The following LRP1B variants were observed in gnomAD, a reference collection of about 807,000 sequenced individuals.
LRP1B encodes low-density lipoprotein receptor-related protein 1B.
A neutral mutation model predicts 556.6 loss-of-function variants in LRP1B; 217 were observed. The ratio of observed to expected loss-of-function variants is 0.39; its 90% CI spans 0.35 to 0.44. The LOEUF (loss-of-function observed/expected upper bound fraction) is 0.44, where lower values mean the gene tolerates loss of function less well. Among genes scored for constraint, LRP1B ranks in the 20% least tolerant of loss-of-function variants. LRP1B has a pLI of 1.00. For synonymous variants in LRP1B, 2,047 were observed against 1,865.8 expected (o/e 1.10, Z -2.50); for missense variants, 5,053 against 5,620.8 (o/e 0.90, Z 3.23).
chr2:141,094,050 G>T (rs933506572), intron 7 of LRP1B, among the ~76,000 whole-genome samples: 1 of 151,952 alleles, frequency 6.6e-6, no homozygotes, highest in Non-Finnish European at 1.5e-5. Context: ...GTTTCATTAC[G>T]ATATATTTCT....
At chr2:140,578,902 G>A (rs559150720) in intron 43 of LRP1B, among the ~76,000 whole-genome samples, 1 of 152,038 alleles carries the variant, frequency 6.6e-6, no homozygotes, top group South Asian at 2.1e-4. Context: ...AAGGATTTTT[G>A]TCATTTTGTT....
At chr2:140,616,121 T>C (rs929528573) in intron 41 of LRP1B, among the ~76,000 whole-genome samples, 25 of 151,962 alleles carry the variant, frequency 1.6e-4, no homozygotes, top group Non-Finnish European at 3.1e-4. Context: ...AAAAAAGTTA[T>C]TTAAAATGAT....
chr2:140,233,218 T>A lies in LRP1B; in HGVS notation c.13768A>T (p.Ile4590Leu), dbSNP rs1172052239. 6.2e-7 allele frequency: 1 copy of A among 1,603,764 alleles called. No individual in the cohort carries two copies. The highest frequency in any genetic ancestry group is 2.3e-5 in the East Asian group (1 of 44,404). The change falls in exon 91 of 91, where the codon ATA (isoleucine) becomes TTA (leucine). Residue 4590 changes from isoleucine (I) to leucine (L), a missense_variant. Physicochemically the swap from Ile to Leu is conservative, Grantham distance 5 (BLOSUM62 2). This residue lies in a region of LRP1B where 551 missense variants were observed against 592.0 expected (regional missense o/e 0.93). Coordinates refer to ENST00000389484, the MANE Select transcript of LRP1B (RefSeq NM_018557.3). ...DERKELLPKK[I>L]EIGIRETVA ...ACTGTCTCTCTTATACCAATTTCTA[T>A]TTTCTTTGGAAGCAGTTCTTTCCTT...
At position 140,696,564 on chromosome 2, in the gene LRP1B, C is replaced by G. The variant is rs144435976; in HGVS notation, c.6799+3686G>C. On this transcript the variant is annotated intron_variant, in intron 41 of 90. Coordinates refer to ENST00000389484, the MANE Select transcript of LRP1B (RefSeq NM_018557.3). ...ATTGTCCTCAATCAGAGGTTGCCAA[C>G]CCCTGGACCACAGATGAGTACTGGT... Among the ~76,000 whole-genome samples, 15 of 152,222 alleles carry G rather than the reference C, an allele frequency of 9.9e-5. 1 individual carries two copies. The East Asian group carries it at 2.1e-3, about 22-fold the overall frequency.
At chr2:141,810,137 GAA>G (rs879184092) in intron 2 of LRP1B, 140 bp downstream of exon 2, 25,670 of 468,770 alleles carry the variant, frequency 0.055, 978 homozygotes, top group South Asian at 0.11. Flanking sequence ...AAGAAAGAAA[GAA>G]AGAAAGAAAG....
intron 41 of LRP1B, among the ~76,000 whole-genome samples, chr2:140,654,519 T>C (rs1297538860): frequency 6.6e-6 from 1 of 152,206 alleles, no homozygotes; most frequent in Admixed American, 6.5e-5. Context: ...GACATCTTCT[T>C]AAGAAAAGAA....
intron 7 of LRP1B, among the ~76,000 whole-genome samples, chr2:141,148,422 C>T (rs185886998): frequency 8.6e-4 from 131 of 152,178 alleles, no homozygotes; most frequent in Non-Finnish European, 1.7e-3. Flanking sequence ...GGAGGAAAGA[C>T]GTTTTGTTGG....
At chr2:142,001,703 A>G (rs899779197) in intron 1 of LRP1B, among the ~76,000 whole-genome samples, 4 of 152,172 alleles carry the variant, frequency 2.6e-5, no homozygotes, top group Non-Finnish European at 4.4e-5. Flanking sequence ...TATATCTAAA[A>G]TATGCATTGG....
chr2:140,828,608 CAAAAAAAA>C (rs60905457), intron 31 of LRP1B, among the ~76,000 whole-genome samples: 1 of 4,124 alleles, frequency 2.4e-4, no homozygotes, highest in African/African-American at 8.0e-4. Context: ...GACTCCGTCT[CAAAAAAAA>C]AAAAAAAAAA....
chr2:141,587,401 C>T (rs1687180763), intron 2 of LRP1B, among the ~76,000 whole-genome samples: 1 of 152,112 alleles, frequency 6.6e-6, no homozygotes, highest in South Asian at 2.1e-4. Flanking sequence ...ATAAATAGTG[C>T]TTCTGTAACT....
chr2:140,596,265 C>T (rs115526917), intron 43 of LRP1B, among the ~76,000 whole-genome samples: 6,189 of 152,184 alleles, frequency 0.041, 176 homozygotes, highest in Middle Eastern at 0.082. Flanking sequence ...AAATGATTAG[C>T]TTGTCTTGAC....
At chr2:141,140,390 A>G (rs975629454) in intron 7 of LRP1B, among the ~76,000 whole-genome samples, 6 of 152,144 alleles carry the variant, frequency 3.9e-5, no homozygotes, top group Non-Finnish European at 7.4e-5. Flanking sequence ...AGATTAAATG[A>G]TATACATTGG....
chr2:141,018,327 A>G (rs1697966324), intron 12 of LRP1B, among the ~76,000 whole-genome samples: 1 of 152,116 alleles, frequency 6.6e-6, no homozygotes, highest in Non-Finnish European at 1.5e-5. Context: ...TTTAAATAAT[A>G]TGTATTGCAC....
At chr2:140,858,530 A>AGAGAG (rs1692689518) in intron 27 of LRP1B, among the ~76,000 whole-genome samples, 1 of 86,352 alleles carries the variant, frequency 1.2e-5, no homozygotes, top group Non-Finnish European at 2.9e-5. Context: ...GAGAGAGAGA[A>AGAGAG]AGGAAAGAGA....
intron 2 of LRP1B, among the ~76,000 whole-genome samples, chr2:141,737,757 G>A (rs1558839370): frequency 6.6e-6 from 1 of 152,162 alleles, no homozygotes. Context: ...GCTGATGCAA[G>A]TGTTGCTCCA....
rs548803350 is a variant in LRP1B at position 140,314,521 on chromosome 2, C to T, written c.12805+414G>A. ...ATGGGAATCAGGATGCTATCAGATT[C>T]TCTGTTACAGTTTATTTACATTTAA... On this transcript the variant is annotated intron_variant, in intron 83 of 90. Coordinates refer to ENST00000389484, the MANE Select transcript of LRP1B (RefSeq NM_018557.3). 6.8e-4 allele frequency among the ~76,000 whole-genome samples: 104 copies of T among 152,202 alleles called. 1 individual carries two copies. The South Asian group carries it at 0.021, about 31-fold the overall frequency.
At chr2:141,192,019 T>C (rs1681536526) in intron 6 of LRP1B, among the ~76,000 whole-genome samples, 1 of 151,958 alleles carries the variant, frequency 6.6e-6, no homozygotes, top group African/African-American at 2.4e-5. Context: ...ACTGAAACAA[T>C]AGATACTGTT....
At chr2:140,338,220 A>G (rs1053804680) in intron 77 of LRP1B, among the ~76,000 whole-genome samples, 4 of 151,832 alleles carry the variant, frequency 2.6e-5, no homozygotes, top group South Asian at 2.1e-4. Flanking sequence ...GGGGTAAAAA[A>G]TAGACACATG....
At chr2:141,063,059 T>A (rs1239928779) in intron 7 of LRP1B, among the ~76,000 whole-genome samples, 1 of 151,858 alleles carries the variant, frequency 6.6e-6, no homozygotes, top group Non-Finnish European at 1.5e-5. Context: ...TCACTATGTT[T>A]AGTAAACACA....
Sources: gnomAD v4.1 joint callset for allele counts (sites outside exome capture counted in the v4.1 genomes callset) on GRCh38, gnomAD v4.1.1 for gene constraint, gnomAD v4.1.1 regional missense constraint, MANE v1.5 for transcripts, NCBI Gene and HGNC (gene_info 2026-07-23, HGNC 2026-07-21) for gene names.